The following RUSC1 variants were observed in gnomAD, a reference collection of about 807,000 sequenced individuals.
RUSC1 encodes RUN and SH3 domain containing 1.
Under a neutral mutation model 72.1 loss-of-function variants are expected in RUSC1, and 40 were observed. That is an observed-to-expected ratio of 0.55 (90% CI 0.43 to 0.72). RUSC1 has a LOEUF of 0.72. Ranked by LOEUF, RUSC1 falls within the 30% of genes least tolerant of loss-of-function variation. The probability of loss-of-function intolerance (pLI) is 0.00; values close to 1 mark genes in which losing one functional copy is unlikely to be tolerated. For missense variants in RUSC1, 1,092 were observed against 1,172.3 expected (o/e 0.93, Z 1.00); for synonymous variants, 512 against 494.2 (o/e 1.04, Z -0.48).
chr1:155,329,109 GAC>G (rs1420710915), intron 9 of RUSC1, among the ~76,000 whole-genome samples: 1 of 151,452 alleles, frequency 6.6e-6, no homozygotes, highest in African/African-American at 2.4e-5. Flanking sequence ...TTTTTTTTGA[GAC>G]AGAGTCTCAC....
chr1:155,330,734 C>A lies in RUSC1; in HGVS notation c.*163C>A, dbSNP rs1651935347. ...AAACTTTCCTTCTTCCCTCCTATAC[C>A]CACCTGTAAGGTGAAATCTGCTCTT... On this transcript the variant is annotated 3_prime_UTR_variant, in exon 10 of 10. Transcript: ENST00000368352. The A allele has an allele frequency of 1.6e-6, 1 of 611,620 alleles. No individual in the cohort carries two copies. The highest frequency in any genetic ancestry group is 2.7e-6 in the Non-Finnish European group (1 of 376,398). The allele number at this position is 611,620 out of a possible 1,614,324, so 37.9% of individuals were successfully genotyped here.
rs1651412963 is a variant in RUSC1, at chr1:155,326,399, G to A, written c.1862-181G>A. 1.8e-5 allele frequency: 11 copies of A among 617,376 alleles called. No homozygotes were observed. Among genetic ancestry groups the A allele is most frequent in the Admixed American group, 3.0e-5 (1 of 33,692 alleles). 38.2% of individuals were successfully genotyped at this position (617,376 alleles called of 1,614,324 possible). On this transcript the variant is annotated intron_variant, in intron 7 of 9. Transcript: ENST00000368352. The surrounding 1 kb of genome is among the most constrained non-coding windows in gnomAD (Gnocchi z 4.7). ...ACTTGCTGTGTGTGTCTTCCTATTTGGGCTAGGTTCCATGCAGGCGGGGAT... is the reference window on the plus strand; with the variant it reads ...ACTTGCTGTGTGTGTCTTCCTATTTAGGCTAGGTTCCATGCAGGCGGGGAT...
Position 155,323,022 on chromosome 1 carries a change from C to T in RUSC1, c.1249C>T (p.Leu417=). 6.8e-7 allele frequency: 1 copy of T among 1,479,486 alleles called. No individual in the cohort carries two copies. The highest frequency in any genetic ancestry group is 9.0e-7 in the Non-Finnish European group (1 of 1,112,758). 91.6% of individuals were successfully genotyped at this position (1,479,486 alleles called of 1,614,324 possible). ...PPRRKKNRPG[L]QPIAEGQSEE... ...CCGAAGGAAGAAGAACCGACCTGGA[C>T]TGCAGCCCATAGCGGAGGGGCAGTC... Residue 417 remains leucine, a synonymous_variant, in exon 2 of 10, where the codon CTG becomes TTG. Transcript: ENST00000368352.
chr1:155,323,120 C>A lies in RUSC1; in HGVS notation c.1347C>A (p.Ala449=), dbSNP rs1570890187. ...APAAKEPGAQ[A]GLEVRSSWSF... ...CCGCGAAGGAGCCGGGCGCGCAGGC[C>A]GGCCTGGAGGGTAAGAGGTCGCAAG... is the stretch of plus-strand genomic sequence containing the variant. The change falls in exon 2 of 10, where the codon GCC becomes GCA. Residue 449 remains alanine (A), a synonymous_variant. Coordinates refer to ENST00000368352, the MANE Select transcript of RUSC1 (RefSeq NM_001105203.2). The A allele has an allele frequency of 7.1e-7, 1 of 1,417,772 alleles. No homozygotes were observed. Among genetic ancestry groups the A allele is most frequent in the East Asian group, 2.7e-5 (1 of 37,324 alleles). 87.8% of individuals were successfully genotyped at this position (1,417,772 alleles called of 1,614,324 possible).
At chr1:155,324,676 G>A in intron 2 of RUSC1, 169 bp from the exon 3 acceptor site, 1 of 1,537,308 alleles carries the variant, frequency 6.5e-7, no homozygotes, top group Admixed American at 2.0e-5. Context: ...ATTTCACTCC[G>A]GGGCTCGGGT....
chr1:155,321,047 G>A (rs1219577744), intron 1 of RUSC1, 56 bp downstream of exon 1: 2 of 1,455,712 alleles, frequency 1.4e-6, no homozygotes, highest in African/African-American at 1.4e-5. Flanking sequence ...CGAGGGGCGG[G>A]GCAGGACAAG....
chr1:155,321,312 A>C, intron 1 of RUSC1: 2 of 1,370,638 alleles, frequency 1.5e-6, no homozygotes, highest in Non-Finnish European at 2.0e-6. Flanking sequence ...CTTTCAGGGC[A>C]TCTGGGTGGG....
At position 155,326,791 on chromosome 1, in the gene RUSC1, T is replaced by C; in HGVS notation, c.2073T>C (p.Thr691=). Residue 691 remains threonine, a synonymous_variant, in exon 8 of 10, where the codon ACT becomes ACC. Coordinates refer to ENST00000368352, the MANE Select transcript of RUSC1 (RefSeq NM_001105203.2). The surrounding 1 kb of genome is among the most constrained non-coding windows in gnomAD (Gnocchi z 4.7). ...PPGPPPALQQ[T]MQAMLHFGGR... is the part of the protein sequence containing the mutation. ...GCCCACCTCCAGCTCTGCAGCAGAC[T>C]ATGCAAGCCATGCTGCACTTTGGGG... The C allele has an allele frequency of 6.2e-7, 1 of 1,613,154 alleles. No homozygotes were observed. The highest frequency in any genetic ancestry group is 8.5e-7 in the Non-Finnish European group (1 of 1,180,000).
At chr1:155,324,460 G>C (rs760312741) in intron 2 of RUSC1, 1 of 1,612,032 alleles carries the variant, frequency 6.2e-7, no homozygotes, top group Non-Finnish European at 8.5e-7. Flanking sequence ...GCAGGACTGG[G>C]CCCCGGGGCG....
At chr1:155,329,450 T>C (rs1651782356) in intron 9 of RUSC1, among the ~76,000 whole-genome samples, 1 of 140,028 alleles carries the variant, frequency 7.1e-6, no homozygotes, top group Non-Finnish European at 1.5e-5. Context: ...TGGAGTGCAA[T>C]GGCATGATCT....
At position 155,322,209 on chromosome 1, in the gene RUSC1, C is replaced by T. The variant is rs535494852; in HGVS notation, c.436C>T (p.Pro146Ser). Reference protein sequence around the residue: ...PSIIPLEQGSPLASAGPGTCS... With the variant: ...PSIIPLEQGSSLASAGPGTCS... ...TATCATCCCCCTGGAGCAGGGCTCCCCACTGGCTTCAGCAGGCCCTGGCAC... is the reference window on the plus strand; with the variant it reads ...TATCATCCCCCTGGAGCAGGGCTCCTCACTGGCTTCAGCAGGCCCTGGCAC... The change falls in exon 2 of 10, where the codon CCA (proline) becomes TCA (serine). Residue 146 changes from proline (P) to serine (S), a missense_variant. Coordinates refer to ENST00000368352, the MANE Select transcript of RUSC1 (RefSeq NM_001105203.2). The T allele has an allele frequency of 6.2e-7, 1 of 1,611,218 alleles. No homozygotes were observed. The highest frequency in any genetic ancestry group is 1.7e-5 in the Admixed American group (1 of 59,858).
intron 1 of RUSC1, 130 bp downstream of exon 1, chr1:155,321,121 G>C: frequency 7.2e-7 from 1 of 1,384,304 alleles, no homozygotes; most frequent in South Asian, 1.1e-5. Flanking sequence ...CGAATGCGGA[G>C]AGAATGGACA....
Position 155,322,662 on chromosome 1 carries a change from G to A in RUSC1, c.889G>A (p.Gly297Arg), listed in dbSNP as rs373143054. The A allele has an allele frequency of 3.8e-5, 62 of 1,614,142 alleles. No homozygotes were observed. The highest frequency in any genetic ancestry group is 5.0e-5 in the Non-Finnish European group (59 of 1,180,050). Residue 297 changes from glycine to arginine, a missense_variant, in exon 2 of 10, where the codon GGA becomes AGA. By Grantham distance (125) the Gly-to-Arg change is moderately radical (BLOSUM62 -2). Coordinates refer to ENST00000368352, the MANE Select transcript of RUSC1 (RefSeq NM_001105203.2). ...GAAAACAGATGCAGGGAAAATTGAT[G>A]GAGGATGGAGAAGTGACGTCAGCGA... Reference protein sequence around the residue: ...GSKTDAGKIDGGWRSDVSEEP... With the variant: ...GSKTDAGKIDRGWRSDVSEEP...
intron 1 of RUSC1, 137 bp downstream of exon 1, chr1:155,321,128 G>A (rs777156413): frequency 7.2e-7 from 1 of 1,382,210 alleles, no homozygotes; most frequent in Non-Finnish European, 9.7e-7. Context: ...GGAGAGAATG[G>A]ACATACCGCT....
chr1:155,322,670 G>A lies in RUSC1; in HGVS notation c.897G>A (p.Trp299Ter). 6.2e-7 allele frequency: 1 copy of A among 1,614,260 alleles called. No individual in the cohort carries two copies. Among genetic ancestry groups the A allele is most frequent in the Non-Finnish European group, 8.5e-7 (1 of 1,180,048 alleles). ...KTDAGKIDGG[W>*]RSDVSEEPVP... ...ATGCAGGGAAAATTGATGGAGGATGGAGAAGTGACGTCAGCGAGGAGCCGG... is the reference window on the plus strand; with the variant it reads ...ATGCAGGGAAAATTGATGGAGGATGAAGAAGTGACGTCAGCGAGGAGCCGG... Residue 299 changes from tryptophan to a stop codon, truncating the protein, a stop_gained, in exon 2 of 10, where the codon TGG (tryptophan) becomes TGA (stop). Transcript: ENST00000368352. LOFTEE classifies it high-confidence loss of function.
chr1:155,321,838 T>G lies in RUSC1; in HGVS notation c.65T>G (p.Leu22Arg), dbSNP rs755946697. The G allele has an allele frequency of 1.2e-6, 2 of 1,613,846 alleles. No individual in the cohort carries two copies. The highest frequency in any genetic ancestry group is 3.3e-5 in the Admixed American group (2 of 60,008). The change falls in exon 2 of 10, where the codon CTG becomes CGG. Residue 22 changes from leucine (L) to arginine (R), a missense_variant. Coordinates refer to ENST00000368352, the MANE Select transcript of RUSC1 (RefSeq NM_001105203.2). ...CACATCCACCTCCAGCACGTCTCCCTGGGCCTGCACTTGTCCCGCCGTCCT... is the reference window on the plus strand; with the variant it reads ...CACATCCACCTCCAGCACGTCTCCCGGGGCCTGCACTTGTCCCGCCGTCCT... ...LNHIHLQHVS[L>R]GLHLSRRPEL...
In RUSC1 at chr1:155,326,930, C is replaced by A. The variant is rs201636883; in HGVS notation, c.2212C>A (p.Arg738=). The change falls in exon 8 of 10, where the codon CGG becomes AGG. Residue 738 remains arginine, a synonymous_variant. Transcript: ENST00000368352. The surrounding 1 kb of genome is among the most constrained non-coding windows in gnomAD (Gnocchi z 4.7). Reference sequence around the variant, plus strand: ...GTGGGAGCAGTTGACCCAGGCCTCCCGGGTCTATGCCTCTGGGGGCACTGA... The same window carrying A: ...GTGGGAGCAGTTGACCCAGGCCTCCAGGGTCTATGCCTCTGGGGGCACTGA... The part of the protein sequence containing the change: ...SWWEQLTQAS[R]VYASGGTEGF... 1 of 1,613,788 alleles carries A rather than the reference C, an allele frequency of 6.2e-7. No homozygotes were observed. The highest frequency in any genetic ancestry group is 8.5e-7 in the Non-Finnish European group (1 of 1,180,042).
In RUSC1 at chr1:155,326,166, T is replaced by G. The variant is rs1651387478; in HGVS notation, c.1861+256T>G. Reference sequence around the variant, plus strand: ...AACAGTCTTCCCGCCTGGCCCTTCCTGCTCCAGGGCCCTGCTTATGCTGTT... The same window carrying G: ...AACAGTCTTCCCGCCTGGCCCTTCCGGCTCCAGGGCCCTGCTTATGCTGTT... On this transcript the variant is annotated intron_variant, in intron 7 of 9. Coordinates refer to ENST00000368352, the MANE Select transcript of RUSC1 (RefSeq NM_001105203.2). This position sits in a 1 kb window ranked among gnomAD's most constrained non-coding sequence, Gnocchi z 4.7. 1.7e-6 allele frequency: 1 copy of G among 584,712 alleles called. No individual in the cohort carries two copies. Among genetic ancestry groups the G allele is most frequent in the Non-Finnish European group, 3.0e-6 (1 of 328,512 alleles). The allele number at this position is 584,712 out of a possible 1,614,324, so 36.2% of individuals were successfully genotyped here. A position where few individuals can be genotyped will look rare whatever the true frequency, so the allele number is the denominator to read the frequency against.
In RUSC1 at chr1:155,330,550, G is replaced by A. The variant is rs753778492; in HGVS notation, c.2688G>A (p.Gly896=). 2.5e-6 allele frequency: 4 copies of A among 1,608,324 alleles called. No homozygotes were observed. The highest frequency in any genetic ancestry group is 1.7e-4 in the Middle Eastern group (1 of 6,030). The change falls in exon 10 of 10, where the codon GGG becomes GGA. Residue 896 remains glycine, a synonymous_variant. Transcript: ENST00000368352. ...GCATGGAGGGTCTGGTGCCTGTGGG[G>A]TATACCTCCCTTGTTCTGTAGCCCT... is the stretch of plus-strand genomic sequence containing the variant. ...RDGMEGLVPV[G]YTSLVL is the part of the protein sequence containing the mutation.
Sources: gnomAD v4.1 joint callset for allele counts (sites outside exome capture counted in the v4.1 genomes callset) on GRCh38, gnomAD v4.1.1 for gene constraint, Gnocchi (gnomAD v3.1) non-coding constraint, MANE v1.5 for transcripts, NCBI Gene and HGNC (gene_info 2026-07-23, HGNC 2026-07-21) for gene names.